KAT2B: variants seen among roughly 807,000 people sequenced by gnomAD.
The protein encoded by KAT2B is lysine acetyltransferase 2B, also known as histone acetyltransferase KAT2B.
A neutral mutation model predicts 105.9 loss-of-function variants in KAT2B; 36 were observed. That is an observed-to-expected ratio of 0.34 (90% confidence interval 0.26 to 0.45). The LOEUF is 0.45. KAT2B is among the 20% of genes least tolerant of loss of function. The probability of loss-of-function intolerance (pLI) is 1.00; values close to 1 mark genes in which losing one functional copy is unlikely to be tolerated. For missense variants in KAT2B, 820 were observed against 1,021.6 expected (o/e 0.80, Z 2.69); for synonymous variants, 397 against 377.9 (o/e 1.05, Z -0.59).
intron 1 of KAT2B, among the ~76,000 whole-genome samples, chr3:20,065,502 A>T (rs1698207967): frequency 6.6e-6 from 1 of 152,210 alleles, no homozygotes; most frequent in Admixed American, 6.5e-5. Flanking sequence ...AGTGGAGGGC[A>T]TGGTAGCAGC....
intron 11 of KAT2B, among the ~76,000 whole-genome samples, chr3:20,136,567 C>T (rs891438929): frequency 6.6e-6 from 1 of 151,708 alleles, no homozygotes; most frequent in Non-Finnish European, 1.5e-5. Context: ...TTCTCAAATA[C>T]CTTAAAGATA....
chr3:20,114,428 CAAAT>C (rs1699171573), intron 6 of KAT2B, among the ~76,000 whole-genome samples: 2 of 152,040 alleles, frequency 1.3e-5, no homozygotes, highest in African/African-American at 4.8e-5. Context: ...ATGTGCGTGA[CAAAT>C]AAAAATAGAA....
intron 1 of KAT2B, among the ~76,000 whole-genome samples, chr3:20,068,713 A>G (rs2929391): frequency 0.5 from 75,496 of 152,018 alleles, 19,892 homozygotes; most frequent in East Asian, 0.74. Context: ...AATATTGTTG[A>G]AAGAATGAGT....
chr3:20,089,858 G>C (rs1397528476), intron 2 of KAT2B, among the ~76,000 whole-genome samples: 1 of 151,884 alleles, frequency 6.6e-6, no homozygotes, highest in Non-Finnish European at 1.5e-5. Flanking sequence ...TTAGTATACA[G>C]AAACATGGCT....
intron 12 of KAT2B, among the ~76,000 whole-genome samples, chr3:20,139,705 C>T (rs1401290464): frequency 6.6e-6 from 1 of 151,984 alleles, no homozygotes; most frequent in Non-Finnish European, 1.5e-5. Context: ...GCATTAATGT[C>T]ATTGAAACAA....
chr3:20,124,652 A>G (rs1489712758), intron 9 of KAT2B, among the ~76,000 whole-genome samples: 1 of 152,202 alleles, frequency 6.6e-6, no homozygotes, highest in African/African-American at 2.4e-5. Flanking sequence ...ATGCAGTCAC[A>G]TGTTTGAAAA....
At chr3:20,043,776 AAG>A (rs1697759843) in intron 1 of KAT2B, among the ~76,000 whole-genome samples, 1 of 152,134 alleles carries the variant, frequency 6.6e-6, no homozygotes, top group Admixed American at 6.6e-5. Context: ...GAGGGAGTGT[AAG>A]AGAGCAAAAT....
At chr3:20,067,885 G>A (rs942197682) in intron 1 of KAT2B, among the ~76,000 whole-genome samples, 3 of 152,036 alleles carry the variant, frequency 2.0e-5, no homozygotes, top group African/African-American at 7.2e-5. Context: ...ATGTTGGCCA[G>A]GCTGGTCTCG....
chr3:20,089,943 G>A (rs1322259867), intron 2 of KAT2B, among the ~76,000 whole-genome samples: 1 of 149,482 alleles, frequency 6.7e-6, no homozygotes, highest in African/African-American at 2.5e-5. Flanking sequence ...AATTTGAGAA[G>A]AACAGCTTGG....
chr3:20,081,391 C>T (rs904367757), intron 2 of KAT2B, among the ~76,000 whole-genome samples: 1 of 152,146 alleles, frequency 6.6e-6, no homozygotes, highest in African/African-American at 2.4e-5. Flanking sequence ...ACAGCTGCAC[C>T]GTGATTCTTG....
At chr3:20,131,259 C>T (rs1699506917) in intron 11 of KAT2B, among the ~76,000 whole-genome samples, 1 of 151,878 alleles carries the variant, frequency 6.6e-6, no homozygotes, top group African/African-American at 2.4e-5. Flanking sequence ...CAGGTGATCG[C>T]CTGCTTCGGC....
chr3:20,144,731 A>G (rs180830658), intron 13 of KAT2B, among the ~76,000 whole-genome samples: 4 of 151,508 alleles, frequency 2.6e-5, no homozygotes, highest in African/African-American at 9.7e-5. Flanking sequence ...TGAGGACTTG[A>G]TATGTGGTTA....
At chr3:20,057,475 C>T (rs1423695769) in intron 1 of KAT2B, among the ~76,000 whole-genome samples, 3 of 152,086 alleles carry the variant, frequency 2.0e-5, no homozygotes, top group South Asian at 2.1e-4. Flanking sequence ...AAACAACAGG[C>T]GGAAGGGTGA....
chr3:20,045,372 A>T (rs1697791849), intron 1 of KAT2B, among the ~76,000 whole-genome samples: 1 of 149,612 alleles, frequency 6.7e-6, no homozygotes, highest in Admixed American at 6.7e-5. Context: ...TATTTTAGAG[A>T]CAGGGTCTTG....
chr3:20,152,257 C>T (rs1221944980), intron 17 of KAT2B, 75 bp from the exon 18 acceptor site: 2 of 990,106 alleles, frequency 2.0e-6, no homozygotes, highest in East Asian at 2.5e-5. Flanking sequence ...ACATAGATTC[C>T]TTTCCCAGTC....
intron 5 of KAT2B, among the ~76,000 whole-genome samples, chr3:20,105,773 C>T (rs1698989945): frequency 6.8e-6 from 1 of 147,164 alleles, no homozygotes; most frequent in East Asian, 2.0e-4. Flanking sequence ...TGCACTCCGG[C>T]CTGGGTGACA....
intron 1 of KAT2B, among the ~76,000 whole-genome samples, chr3:20,064,807 A>C (rs142347132): frequency 6.6e-6 from 1 of 152,220 alleles, no homozygotes; most frequent in African/African-American, 2.4e-5. Context: ...TTTTCCATCA[A>C]CGTGTTCTTG....
intron 2 of KAT2B, among the ~76,000 whole-genome samples, chr3:20,077,012 T>C (rs1698431989): frequency 6.6e-6 from 1 of 152,238 alleles, no homozygotes; most frequent in African/African-American, 2.4e-5. Context: ...GCCTCAGCCA[T>C]ATATGTTCTT....
At chr3:20,110,786 T>A (rs1449514613) in intron 5 of KAT2B, among the ~76,000 whole-genome samples, 1 of 152,094 alleles carries the variant, frequency 6.6e-6, no homozygotes, top group Non-Finnish European at 1.5e-5. Flanking sequence ...AGATGACCTG[T>A]ATTGTCAGTG....
Sources: allele counts gnomAD v4.1 joint callset (sites outside exome capture counted in the v4.1 genomes callset), GRCh38; gene constraint gnomAD v4.1.1; transcripts MANE v1.5; gene names NCBI Gene and HGNC (gene_info 2026-07-23, HGNC 2026-07-21).